ST6GALNAC5: variants seen among roughly 807,000 people sequenced by gnomAD.
The protein encoded by ST6GALNAC5 is alpha-N-acetylgalactosaminide alpha-2,6-sialyltransferase 5.
Under a neutral mutation model 33.6 loss-of-function variants are expected in ST6GALNAC5, and 27 were observed. The observed-to-expected ratio is 0.80, with a 90% CI of 0.59 to 1.11. ST6GALNAC5 has a LOEUF of 1.11. ST6GALNAC5 is among the 50% of genes least tolerant of loss of function. The probability of loss-of-function intolerance (pLI) is 0.00; values close to 1 mark genes in which losing one functional copy is unlikely to be tolerated. For synonymous variants in ST6GALNAC5, 194 were observed against 171.2 expected, an observed-to-expected ratio of 1.13 and a Z score of -1.04; for missense variants, 428 against 454.0, an observed-to-expected ratio of 0.94 and a Z score of 0.52.
chr1:76,894,172 C>CT (rs1434212305), intron 2 of ST6GALNAC5, among the ~76,000 whole-genome samples: 5 of 152,186 alleles, frequency 3.3e-5, no homozygotes, highest in African/African-American at 1.2e-4. Flanking sequence ...TCTGTCAAAT[C>CT]TTTTAAGTTT....
At chr1:77,014,669 C>T (rs993900642) in intron 2 of ST6GALNAC5, among the ~76,000 whole-genome samples, 23 of 152,146 alleles carry the variant, frequency 1.5e-4, no homozygotes, top group Non-Finnish European at 2.4e-4. Context: ...GACACAGACT[C>T]GGATTTCCAC....
At chr1:77,000,845 A>C (rs1650125083) in intron 2 of ST6GALNAC5, among the ~76,000 whole-genome samples, 1 of 152,100 alleles carries the variant, frequency 6.6e-6, no homozygotes, top group Non-Finnish European at 1.5e-5. Context: ...TGTTCCATTG[A>C]TCTATATCTC....
At chr1:77,022,815 T>C (rs1043704093) in intron 2 of ST6GALNAC5, among the ~76,000 whole-genome samples, 1 of 152,222 alleles carries the variant, frequency 6.6e-6, no homozygotes, top group Non-Finnish European at 1.5e-5. Flanking sequence ...AGAAGTGACA[T>C]CTCAGACCCC....
At chr1:77,011,103 T>C (rs961926550) in intron 2 of ST6GALNAC5, among the ~76,000 whole-genome samples, 2 of 118,680 alleles carry the variant, frequency 1.7e-5, no homozygotes, top group African/African-American at 6.4e-5. Context: ...AGATGACCCC[T>C]TGCTGGGAGT....
At chr1:76,914,322 C>G (rs1205266863) in intron 2 of ST6GALNAC5, among the ~76,000 whole-genome samples, 1 of 152,092 alleles carries the variant, frequency 6.6e-6, no homozygotes, top group East Asian at 1.9e-4. Context: ...ACTTTCTTCA[C>G]AGAATTGGAA....
chr1:77,035,183 G>A (rs1651604622), intron 2 of ST6GALNAC5, among the ~76,000 whole-genome samples: 1 of 152,116 alleles, frequency 6.6e-6, no homozygotes, highest in African/African-American at 2.4e-5. Context: ...GCTGGCCTGG[G>A]AACCACACTG....
chr1:76,965,192 C>A (rs577349775), intron 2 of ST6GALNAC5, among the ~76,000 whole-genome samples: 3 of 145,806 alleles, frequency 2.1e-5, no homozygotes, highest in Non-Finnish European at 3.0e-5. Context: ...CACTGTCTTC[C>A]GCAATGGTGG....
intron 2 of ST6GALNAC5, among the ~76,000 whole-genome samples, chr1:76,984,685 T>C (rs1204834511): frequency 6.6e-6 from 1 of 152,208 alleles, no homozygotes; most frequent in African/African-American, 2.4e-5. Context: ...ATCATCCTGA[T>C]ACCAAAGGCT....
intron 2 of ST6GALNAC5, among the ~76,000 whole-genome samples, chr1:76,997,063 G>A (rs1040405428): frequency 6.6e-6 from 1 of 152,186 alleles, no homozygotes; most frequent in African/African-American, 2.4e-5. Flanking sequence ...GTTTCAATAT[G>A]CTGGGTAAAG....
intron 2 of ST6GALNAC5, among the ~76,000 whole-genome samples, chr1:76,902,821 G>C (rs1420123505): frequency 2.0e-5 from 3 of 152,094 alleles, no homozygotes; most frequent in African/African-American, 7.2e-5. Flanking sequence ...TAGGATGATT[G>C]TATATCCACA....
chr1:76,948,250 G>A (rs1481009136), intron 2 of ST6GALNAC5, among the ~76,000 whole-genome samples: 2 of 152,128 alleles, frequency 1.3e-5, no homozygotes, highest in East Asian at 3.9e-4. Context: ...CCCAACCTAA[G>A]GCAAGGGAGA....
At chr1:77,016,734 T>C (rs189174276) in intron 2 of ST6GALNAC5, among the ~76,000 whole-genome samples, 6 of 152,340 alleles carry the variant, frequency 3.9e-5, no homozygotes, top group Non-Finnish European at 8.8e-5. Flanking sequence ...TTTTTCTTTT[T>C]AGAATTGTTT....
At chr1:76,883,822 C>A (rs1468488958) in intron 2 of ST6GALNAC5, among the ~76,000 whole-genome samples, 3 of 152,004 alleles carry the variant, frequency 2.0e-5, no homozygotes, top group South Asian at 2.1e-4. Context: ...TGTTCAGGAC[C>A]CAGGAAGCAA....
In ST6GALNAC5 at chr1:76,889,229, G is replaced by A. The variant is rs546998488; in HGVS notation, c.261+20487G>A. On this transcript the variant is annotated intron_variant, in intron 2 of 4. Transcript: ENST00000477717. ...GTCAACTGTAATATTACATTCCATC[G>A]TATTGCAGTATTTTAGTCTTCTTCT... Among the ~76,000 whole-genome samples, 49 of 151,988 alleles carry A rather than the reference G, an allele frequency of 3.2e-4. No homozygotes were observed. In the South Asian group the frequency reaches 8.1e-3, roughly 25 times the overall value.
At chr1:76,994,431 C>T (rs1649848040) in intron 2 of ST6GALNAC5, among the ~76,000 whole-genome samples, 1 of 152,078 alleles carries the variant, frequency 6.6e-6, no homozygotes, top group African/African-American at 2.4e-5. Flanking sequence ...TTCGAAATGA[C>T]ATAGCCTGGG....
intron 2 of ST6GALNAC5, among the ~76,000 whole-genome samples, chr1:77,001,089 G>C (rs13090984): frequency 6.6e-6 from 1 of 151,938 alleles, no homozygotes; most frequent in African/African-American, 2.4e-5. Flanking sequence ...GGCCAGTATG[G>C]TCATGTTCAC....
intron 2 of ST6GALNAC5, among the ~76,000 whole-genome samples, chr1:76,890,569 G>T (rs1222154703): frequency 6.6e-6 from 1 of 151,294 alleles, no homozygotes; most frequent in Non-Finnish European, 1.5e-5. Context: ...GAGCTCTGTG[G>T]AGTTCTTTTA....
In ST6GALNAC5 at chr1:76,872,116, CACCA is replaced by C. The variant is rs1321131087; in HGVS notation, c.261+3375_261+3378del. ...ACACACACACACACACACACACACA[CACCA>C]CACACATTAAATCAAGAAATACTCA... On this transcript the variant is annotated intron_variant, in intron 2 of 4. Transcript: ENST00000477717. Among the ~76,000 whole-genome samples the C allele has an allele frequency of 8.4e-4, 110 of 130,766 alleles. 1 individual carries two copies. The highest frequency in any genetic ancestry group is 3.2e-3 in the African/African-American group (96 of 30,234). The allele number at this position is 130,766 out of a possible 152,430, so 85.8% of individuals were successfully genotyped here.
intron 2 of ST6GALNAC5, among the ~76,000 whole-genome samples, chr1:77,027,160 A>G (rs1178581577): frequency 5.3e-5 from 8 of 152,160 alleles, no homozygotes; most frequent in Admixed American, 5.2e-4. Context: ...CGGTTCTGTA[A>G]TGTACTCAGT....
Sources: allele counts gnomAD v4.1 joint callset (sites outside exome capture counted in the v4.1 genomes callset), GRCh38; gene constraint gnomAD v4.1.1; transcripts MANE v1.5; gene names NCBI Gene and HGNC (gene_info 2026-07-23, HGNC 2026-07-21).